The following L3MBTL4 variants were observed in gnomAD, a reference collection of about 807,000 sequenced individuals.
L3MBTL4 encodes the protein L3MBTL histone methyl-lysine binding protein 4.
A neutral mutation model predicts 84.5 loss-of-function variants in L3MBTL4; 70 were observed. The observed-to-expected ratio is 0.83, with a 90% CI of 0.68 to 1.01. The LOEUF (loss-of-function observed/expected upper bound fraction) is 1.01. L3MBTL4 is among the 50% of genes least tolerant of loss of function. The pLI, the probability that L3MBTL4 is intolerant of heterozygous loss-of-function variation, is 0.00. For missense variants in L3MBTL4, 715 were observed against 754.8 expected, an observed-to-expected ratio of 0.95 and a Z score of 0.62; for synonymous variants, 274 against 259.8, an observed-to-expected ratio of 1.05 and a Z score of -0.52.
chr18:6,363,745 G>A (rs1188149784), intron 1 of L3MBTL4, among the ~76,000 whole-genome samples: 2 of 152,100 alleles, frequency 1.3e-5, no homozygotes, highest in Non-Finnish European at 2.9e-5. Flanking sequence ...CTCAGTGAAG[G>A]AGCCCAGCTT....
chr18:6,318,327 A>G (rs1036729241), intron 1 of L3MBTL4, among the ~76,000 whole-genome samples: 11 of 151,958 alleles, frequency 7.2e-5, no homozygotes, highest in African/African-American at 2.7e-4. Context: ...ATGGATAGAA[A>G]AATCATAAAC....
rs1309522287 is a variant in L3MBTL4 at position 6,320,023 on chromosome 18, CAAAATTA to C, written c.-90-7974_-90-7968del. Among the ~76,000 whole-genome samples, 4 of 151,576 alleles carry C rather than the reference CAAAATTA, an allele frequency of 2.6e-5. No homozygotes were observed. In the East Asian group the frequency reaches 7.8e-4, roughly 29 times the overall value. On this transcript the variant is annotated intron_variant, in intron 1 of 18. Transcript: ENST00000317931. ...TAATAAATGTAATATATCACATAAA[CAAAATTA>C]AAAACAAAAGCCATATGATCATTTC...
At chr18:6,171,224 A>C (rs1275539272) in intron 13 of L3MBTL4, among the ~76,000 whole-genome samples, 4 of 152,178 alleles carry the variant, frequency 2.6e-5, no homozygotes, top group African/African-American at 9.7e-5. Context: ...TGTGTCTGGA[A>C]CTGGTTATTA....
At position 6,369,931 on chromosome 18, in the gene L3MBTL4, TGA is replaced by T. The variant is rs375064246; in HGVS notation, c.-91+44868_-91+44869del. ...GGTGGATCACTTGAGGTCAAGAGTT[TGA>T]GACCAGCCTGGCCAACATGGTGAAT... On this transcript the variant is annotated intron_variant, in intron 1 of 18. Coordinates refer to ENST00000317931, the MANE Select transcript of L3MBTL4 (RefSeq NM_001330559.2). Among the ~76,000 whole-genome samples the T allele has an allele frequency of 2.7e-3, 409 of 152,098 alleles. 3 individuals carry two copies. Among genetic ancestry groups the T allele is most frequent in the African/African-American group, 9.4e-3 (392 of 41,510 alleles).
intron 1 of L3MBTL4, among the ~76,000 whole-genome samples, chr18:6,389,012 T>A (rs1441896865): frequency 6.6e-6 from 1 of 152,174 alleles, no homozygotes; most frequent in Non-Finnish European, 1.5e-5. Flanking sequence ...GAAACTATCG[T>A]TTGTGATCAT....
At chr18:6,169,439 A>G (rs2043852697) in intron 13 of L3MBTL4, among the ~76,000 whole-genome samples, 1 of 152,202 alleles carries the variant, frequency 6.6e-6, no homozygotes, top group Non-Finnish European at 1.5e-5. Flanking sequence ...CAAATGTCCA[A>G]CAATGATAGA....
intron 13 of L3MBTL4, among the ~76,000 whole-genome samples, chr18:6,141,370 G>T (rs2060188901): frequency 6.6e-6 from 1 of 152,218 alleles, no homozygotes. Context: ...CCAACTGCAT[G>T]CTACAGATGC....
chr18:6,076,605 A>G (rs111721602), intron 16 of L3MBTL4, among the ~76,000 whole-genome samples: 1 of 152,312 alleles, frequency 6.6e-6, no homozygotes, highest in African/African-American at 2.4e-5. Flanking sequence ...AAAGGTAACC[A>G]CAATATATCA....
At chr18:6,307,208 G>A (rs7229856) in intron 3 of L3MBTL4, among the ~76,000 whole-genome samples, 7 of 151,874 alleles carry the variant, frequency 4.6e-5, no homozygotes, top group Non-Finnish European at 8.8e-5. Flanking sequence ...CGAGGCAGGC[G>A]GATCACAAGG....
chr18:6,158,903 A>T (rs1195739689), intron 13 of L3MBTL4, among the ~76,000 whole-genome samples: 1 of 152,166 alleles, frequency 6.6e-6, no homozygotes, highest in East Asian at 1.9e-4. Context: ...CCACATACAG[A>T]GTGGCTTGGG....
chr18:6,361,653 G>A (rs1458555463), intron 1 of L3MBTL4, among the ~76,000 whole-genome samples: 3 of 152,170 alleles, frequency 2.0e-5, no homozygotes, highest in Admixed American at 6.5e-5. Context: ...AAATGAAGGC[G>A]ATCTTTAAAG....
At chr18:6,021,987 ACTCT>A (rs887139413) in intron 16 of L3MBTL4, among the ~76,000 whole-genome samples, 1 of 151,668 alleles carries the variant, frequency 6.6e-6, no homozygotes, top group Non-Finnish European at 1.5e-5. Flanking sequence ...ATCTTCTGCC[ACTCT>A]CTCTATTAAT....
intron 16 of L3MBTL4, among the ~76,000 whole-genome samples, chr18:6,005,681 C>T (rs551006119): frequency 1.2e-4 from 19 of 152,166 alleles, no homozygotes; most frequent in Middle Eastern, 3.4e-3. Flanking sequence ...ATTTTTTTTA[C>T]GGCCATGTAG....
intron 12 of L3MBTL4, among the ~76,000 whole-genome samples, chr18:6,183,888 T>C (rs1357584820): frequency 2.0e-5 from 3 of 152,202 alleles, no homozygotes; most frequent in Non-Finnish European, 2.9e-5. Flanking sequence ...GGAAATATTA[T>C]ACAATTCTCA....
chr18:6,381,214 C>T (rs2054582561), intron 1 of L3MBTL4, among the ~76,000 whole-genome samples: 1 of 152,060 alleles, frequency 6.6e-6, no homozygotes, highest in Admixed American at 6.6e-5. Flanking sequence ...TTATTTGGAG[C>T]CTATGTGTGT....
chr18:6,026,260 A>T (rs1244713049), intron 16 of L3MBTL4, among the ~76,000 whole-genome samples: 1 of 152,232 alleles, frequency 6.6e-6, no homozygotes, highest in African/African-American at 2.4e-5. Flanking sequence ...GAATTTAAAG[A>T]AAATTAGGTG....
At chr18:6,102,601 A>G (rs538910761) in intron 14 of L3MBTL4, among the ~76,000 whole-genome samples, 6 of 152,340 alleles carry the variant, frequency 3.9e-5, no homozygotes, top group African/African-American at 1.4e-4. Flanking sequence ...TTCTATCACA[A>G]TTTAGCCCAC....
intron 1 of L3MBTL4, among the ~76,000 whole-genome samples, chr18:6,361,544 C>T (rs1435528641): frequency 1.3e-5 from 2 of 152,124 alleles, no homozygotes; most frequent in Non-Finnish European, 2.9e-5. Flanking sequence ...ATTAATCCTT[C>T]TCTGAGAGGC....
intron 4 of L3MBTL4, among the ~76,000 whole-genome samples, chr18:6,300,362 A>C (rs1191948377): frequency 1.3e-5 from 2 of 152,166 alleles, no homozygotes; most frequent in South Asian, 4.1e-4. Context: ...AACAGGAACA[A>C]TATATTATCA....
Sources: gnomAD v4.1 joint callset for allele counts (sites outside exome capture counted in the v4.1 genomes callset) on GRCh38, gnomAD v4.1.1 for gene constraint, MANE v1.5 for transcripts, NCBI Gene and HGNC (gene_info 2026-07-23, HGNC 2026-07-21) for gene names.